The following CAMKMT variants were observed in gnomAD, a reference collection of about 807,000 sequenced individuals.
The protein encoded by CAMKMT is CaM KMT.
CAMKMT carries 53 observed loss-of-function variants against 48.0 expected under a neutral mutation model. The ratio of observed to expected loss-of-function variants is 1.10; its 90% CI spans 0.89 to 1.39. The LOEUF (loss-of-function observed/expected upper bound fraction) is 1.39, where lower values mean the gene tolerates loss of function less well. CAMKMT is among the 40% of genes most tolerant of loss of function. The pLI is 0.00. For missense variants in CAMKMT, 428 were observed against 402.7 expected (o/e 1.06, Z -0.54); for synonymous variants, 165 against 152.3 (o/e 1.08, Z -0.61).
At chr2:44,427,819 T>C (rs1224115391) in intron 3 of CAMKMT, among the ~76,000 whole-genome samples, 1 of 152,120 alleles carries the variant, frequency 6.6e-6, no homozygotes, top group Non-Finnish European at 1.5e-5. Context: ...AAAAATGTGA[T>C]AGTGAAATGG....
intron 3 of CAMKMT, among the ~76,000 whole-genome samples, chr2:44,425,011 G>A (rs373647367): frequency 7.9e-5 from 12 of 152,094 alleles, no homozygotes; most frequent in East Asian, 3.8e-4. Context: ...AAAAGTACCC[G>A]TTTTGATAAA....
At chr2:44,482,156 A>G (rs1305324849) in intron 3 of CAMKMT, among the ~76,000 whole-genome samples, 1 of 152,064 alleles carries the variant, frequency 6.6e-6, no homozygotes, top group Non-Finnish European at 1.5e-5. Context: ...CAGGAGAGGG[A>G]GCACAGTGAC....
At chr2:44,539,474 A>G (rs1035866475) in intron 3 of CAMKMT, among the ~76,000 whole-genome samples, 2 of 152,130 alleles carry the variant, frequency 1.3e-5, no homozygotes, top group African/African-American at 4.8e-5. Context: ...CCACAGTACA[A>G]TTATCAAAAT....
At chr2:44,589,422 G>C (rs1670121871) in intron 3 of CAMKMT, among the ~76,000 whole-genome samples, 1 of 54,082 alleles carries the variant, frequency 1.8e-5, no homozygotes, top group Admixed American at 2.2e-4. Flanking sequence ...TGATGACAAT[G>C]GCGGTTTTGT....
At chr2:44,537,024 A>T (rs1385679143) in intron 3 of CAMKMT, among the ~76,000 whole-genome samples, 1 of 152,194 alleles carries the variant, frequency 6.6e-6, no homozygotes, top group African/African-American at 2.4e-5. Context: ...CAGATGGATT[A>T]AGGACTTAAA....
chr2:44,470,941 G>A (rs1668379430), intron 3 of CAMKMT, among the ~76,000 whole-genome samples: 1 of 150,048 alleles, frequency 6.7e-6, no homozygotes, highest in Admixed American at 6.6e-5. Context: ...TGAATATTAG[G>A]AATATTAATG....
chr2:44,418,071 A>G (rs1683685122), intron 3 of CAMKMT, among the ~76,000 whole-genome samples: 1 of 152,070 alleles, frequency 6.6e-6, no homozygotes, highest in Admixed American at 6.6e-5. Flanking sequence ...ACGTGCCTAT[A>G]ATCCCAAATA....
intron 3 of CAMKMT, among the ~76,000 whole-genome samples, chr2:44,463,517 A>T (rs1667953007): frequency 6.6e-6 from 1 of 151,816 alleles, no homozygotes; most frequent in African/African-American, 2.4e-5. Context: ...CTAGCTTTTT[A>T]GGGGGTGAAA....
chr2:44,441,983 A>C (rs1225865603), intron 3 of CAMKMT, among the ~76,000 whole-genome samples: 6 of 152,148 alleles, frequency 3.9e-5, no homozygotes, highest in African/African-American at 7.2e-5. Context: ...TGGAGAGCAA[A>C]AGAGGCTGCC....
chr2:44,481,500 T>G (rs1424138914), intron 3 of CAMKMT, among the ~76,000 whole-genome samples: 1 of 152,092 alleles, frequency 6.6e-6, no homozygotes, highest in African/African-American at 2.4e-5. Context: ...AATTCCATTT[T>G]TATTTTTGCA....
At chr2:44,677,096 A>G (rs561373519) in intron 3 of CAMKMT, among the ~76,000 whole-genome samples, 2 of 152,150 alleles carry the variant, frequency 1.3e-5, no homozygotes, top group Non-Finnish European at 2.9e-5. Context: ...CATCTCCTGA[A>G]CTGCTTTATC....
chr2:44,770,221 A>G (rs2104411871), intron 10 of CAMKMT, among the ~76,000 whole-genome samples: 1 of 152,320 alleles, frequency 6.6e-6, no homozygotes. Context: ...AAGTACCCTC[A>G]CATAACAGAC....
chr2:44,663,759 T>C (rs1362191787), intron 3 of CAMKMT, among the ~76,000 whole-genome samples: 1 of 152,232 alleles, frequency 6.6e-6, no homozygotes, highest in East Asian at 1.9e-4. Flanking sequence ...ACCATCTTGT[T>C]CGTGAATCTT....
At chr2:44,701,196 A>C (rs1197977279) in intron 3 of CAMKMT, among the ~76,000 whole-genome samples, 1 of 152,172 alleles carries the variant, frequency 6.6e-6, no homozygotes, top group Non-Finnish European at 1.5e-5. Flanking sequence ...CCTTTTAAGG[A>C]ACTGCTACAC....
intron 8 of CAMKMT, among the ~76,000 whole-genome samples, chr2:44,749,890 G>C (rs1197499058): frequency 1.3e-5 from 2 of 152,132 alleles, no homozygotes; most frequent in Non-Finnish European, 2.9e-5. Flanking sequence ...CTCTTGCTGT[G>C]TGAAGAGACA....
intron 1 of CAMKMT, among the ~76,000 whole-genome samples, chr2:44,365,591 AC>A (rs1373989857): frequency 6.6e-6 from 1 of 152,142 alleles, no homozygotes; most frequent in African/African-American, 2.4e-5. Flanking sequence ...CTTTTCCCCA[AC>A]ATCCAAATCA....
At chr2:44,662,458 A>C (rs1674732896) in intron 3 of CAMKMT, among the ~76,000 whole-genome samples, 1 of 152,222 alleles carries the variant, frequency 6.6e-6, no homozygotes, top group Non-Finnish European at 1.5e-5. Context: ...TGTCTTAGTC[A>C]CATCAAACTA....
intron 3 of CAMKMT, among the ~76,000 whole-genome samples, chr2:44,435,893 G>A (rs569744462): frequency 2.0e-5 from 3 of 152,016 alleles, no homozygotes; most frequent in African/African-American, 7.3e-5. Context: ...ACATAATAAT[G>A]GTTTTCATTT....
chr2:44,723,199 C>T (rs1339118907), intron 7 of CAMKMT, among the ~76,000 whole-genome samples: 9 of 152,184 alleles, frequency 5.9e-5, no homozygotes, highest in Admixed American at 3.3e-4. Flanking sequence ...ACAGGTAACT[C>T]TGACGCCTGG....
Sources: gnomAD v4.1 joint callset for allele counts (sites outside exome capture counted in the v4.1 genomes callset) on GRCh38, gnomAD v4.1.1 for gene constraint, MANE v1.5 for transcripts, NCBI Gene and HGNC (gene_info 2026-07-23, HGNC 2026-07-21) for gene names.